The following UMODL1 variants were observed in gnomAD, a reference collection of about 807,000 sequenced individuals.
The protein encoded by UMODL1 is uromodulin like 1.
UMODL1 carries 128 observed loss-of-function variants against 136.3 expected under a neutral mutation model. That is an observed-to-expected ratio of 0.94 (90% CI 0.81 to 1.09). The LOEUF is 1.09. Among genes scored for constraint, UMODL1 ranks in the 50% least tolerant of loss-of-function variants. The pLI is 0.00. For missense variants in UMODL1, 1,766 were observed against 1,725.6 expected (o/e 1.02, Z -0.41); for synonymous variants, 721 against 720.0 (o/e 1.00, Z -0.02).
rs769546147 is a variant in UMODL1 at position 42,127,073 on chromosome 21, G to T, written c.3361G>T (p.Gly1121Ter). ...NFVTEMQLFI[G>*]DSPIPQNYSV... ...TGTTACCGAAATGCAGTTGTTTATC[G>T]GAGACTCTCCCATACCTCAGAATTA... The change falls in exon 19 of 23, where the codon GGA (glycine) becomes TGA (stop). Residue 1121 changes from glycine to a stop codon, truncating the protein, a stop_gained. Transcript: ENST00000408910. LOFTEE classifies it high-confidence loss of function. The T allele has an allele frequency of 6.2e-7, 1 of 1,614,144 alleles. No homozygotes were observed. Among genetic ancestry groups the T allele is most frequent in the East Asian group, 2.2e-5 (1 of 44,876 alleles).
intron 20 of UMODL1, among the ~76,000 whole-genome samples, chr21:42,129,234 C>A (rs1032383449): frequency 2.6e-5 from 4 of 152,116 alleles, no homozygotes; most frequent in African/African-American, 7.2e-5. Context: ...GGACTTCAAT[C>A]CCTTTTTGGA....
At chr21:42,076,902 G>A (rs973234639) in intron 2 of UMODL1, among the ~76,000 whole-genome samples, 2 of 152,110 alleles carry the variant, frequency 1.3e-5, no homozygotes, top group African/African-American at 4.8e-5. Context: ...TTACCAGGGT[G>A]ACCTGTGTGG....
At chr21:42,126,314 G>A in intron 17 of UMODL1, 31 bp from the exon 18 acceptor site, 1 of 1,612,184 alleles carries the variant, frequency 6.2e-7, no homozygotes, top group Non-Finnish European at 8.5e-7. Context: ...GCTGGGGCCT[G>A]GGAGCTCCTC....
intron 2 of UMODL1, among the ~76,000 whole-genome samples, chr21:42,077,479 A>G (rs220289): frequency 0.63 from 95,920 of 151,650 alleles, 31,003 homozygotes; most frequent in Middle Eastern, 0.7. Context: ...TTTTACAGAA[A>G]TAAAGTAGGC....
intron 2 of UMODL1, among the ~76,000 whole-genome samples, chr21:42,077,716 G>C (rs907612572): frequency 2.0e-5 from 3 of 152,204 alleles, no homozygotes; most frequent in African/African-American, 7.2e-5. Flanking sequence ...GGCTGCCAGT[G>C]AAAGAGGCAA....
In UMODL1 at chr21:42,098,910, G is replaced by A; in HGVS notation, c.932-16G>A. 1 of 1,613,226 alleles carries A rather than the reference G, an allele frequency of 6.2e-7. No homozygotes were observed. Among genetic ancestry groups the A allele is most frequent in the Non-Finnish European group, 8.5e-7 (1 of 1,179,296 alleles). The stretch of plus-strand genomic sequence containing the variant: ...CACTGACCCTTTGCTCATCTTCTCT[G>A]TCTGTGCTTTCGTAGATTGTCCTCC... On this transcript the variant is annotated splice_polypyrimidine_tract_variant and intron_variant, in intron 6 of 22. Coordinates refer to ENST00000408910, the MANE Select transcript of UMODL1 (RefSeq NM_001004416.3).
chr21:42,083,019 G>A (rs1243283919), intron 2 of UMODL1, among the ~76,000 whole-genome samples: 1 of 152,204 alleles, frequency 6.6e-6, no homozygotes, highest in East Asian at 1.9e-4. Flanking sequence ...ACCCCACCGG[G>A]TTGGCCTCTT....
At chr21:42,084,020 C>A in intron 2 of UMODL1, 64 bp from the exon 3 acceptor site, 3 of 1,576,162 alleles carry the variant, frequency 1.9e-6, no homozygotes, top group Non-Finnish European at 8.7e-7. Context: ...ACGTGAGGTC[C>A]CCGTGCAGCA....
intron 14 of UMODL1, among the ~76,000 whole-genome samples, 187 bp downstream of exon 14, chr21:42,116,172 CAAAA>C (rs56162491): frequency 1.1e-4 from 8 of 75,082 alleles, no homozygotes; most frequent in African/African-American, 4.1e-4. Context: ...CCATCTCCAC[CAAAA>C]AAAAAAAAAA....
At position 42,128,733 on chromosome 21, in the gene UMODL1, G is replaced by T. The variant is rs183746548; in HGVS notation, c.3690+902G>T. On this transcript the variant is annotated intron_variant, in intron 20 of 22. Coordinates refer to ENST00000408910, the MANE Select transcript of UMODL1 (RefSeq NM_001004416.3). Reference sequence around the variant, plus strand: ...GATGACAGGAGCACGGACAGCCACCGCCAGGCTTCGTCTCTGCAGGGAGCG... The same window carrying T: ...GATGACAGGAGCACGGACAGCCACCTCCAGGCTTCGTCTCTGCAGGGAGCG... Among the ~76,000 whole-genome samples the T allele has an allele frequency of 1.7e-3, 262 of 152,330 alleles. 1 individual carries two copies. The highest frequency in any genetic ancestry group is 6.1e-3 in the African/African-American group (252 of 41,568).
rs2067297803 is a variant in UMODL1 at position 42,142,617 on chromosome 21, A to G, written c.*543A>G. On this transcript the variant is annotated 3_prime_UTR_variant, in exon 23 of 23. Transcript: ENST00000408910. ...CTAATGTTATTTTTAGTGGATGTTT[A>G]TGCTGTTTGACTTTTCTCCTGTGTA... 6.6e-6 allele frequency: 1 copy of G among 152,252 alleles called. No homozygotes were observed. The highest frequency in any genetic ancestry group is 2.4e-5 in the African/African-American group (1 of 41,474). The allele number at this position is 152,252 out of a possible 1,614,324, so 9.4% of individuals were successfully genotyped here.
At chr21:42,127,288 C>A in intron 19 of UMODL1, 46 bp downstream of exon 19, 2 of 1,529,708 alleles carry the variant, frequency 1.3e-6, no homozygotes, top group Non-Finnish European at 1.8e-6. Flanking sequence ...ATGCCTGGGG[C>A]TTTATTAACA....
At chr21:42,128,446 C>T (rs1439415758) in intron 20 of UMODL1, among the ~76,000 whole-genome samples, 7 of 152,218 alleles carry the variant, frequency 4.6e-5, no homozygotes, top group Non-Finnish European at 1.0e-4. Flanking sequence ...GCTTTTTGCT[C>T]AGTGACCGAA....
At position 42,115,786 on chromosome 21, in the gene UMODL1, C is replaced by T. The variant is rs922727758; in HGVS notation, c.2363-87C>T. ...GCTTTGGTGTGATGCTCTTCCTGGA[C>T]ATGAAAATACATTTATTAATATTGA... On this transcript the variant is annotated intron_variant, in intron 13 of 22. Transcript: ENST00000408910. 12 of 1,104,940 alleles carry T rather than the reference C, an allele frequency of 1.1e-5. No homozygotes were observed. The African/African-American group carries it at 1.9e-4, about 17-fold the overall frequency. 68.4% of individuals were successfully genotyped at this position (1,104,940 alleles called of 1,614,324 possible). A position where few individuals can be genotyped will look rare whatever the true frequency, so the allele number is the denominator to read the frequency against.
At chr21:42,117,083 G>GAAAA (rs35005920) in intron 14 of UMODL1, among the ~76,000 whole-genome samples, 4 of 148,770 alleles carry the variant, frequency 2.7e-5, no homozygotes, top group Non-Finnish European at 4.5e-5. Flanking sequence ...CTCAAAAACA[G>GAAAA]AAAAAAAAAA....
chr21:42,136,365 C>A (rs188617047), intron 21 of UMODL1, among the ~76,000 whole-genome samples: 1 of 152,236 alleles, frequency 6.6e-6, no homozygotes, highest in Non-Finnish European at 1.5e-5. Context: ...GAGTCCCTCC[C>A]CATCCACCTT....
chr21:42,105,074 G>A (rs995886715), intron 9 of UMODL1, among the ~76,000 whole-genome samples: 1 of 152,220 alleles, frequency 6.6e-6, no homozygotes, highest in African/African-American at 2.4e-5. Flanking sequence ...CCCACCAGGA[G>A]GTGCCGGGAA....
At position 42,104,088 on chromosome 21, in the gene UMODL1, G is replaced by C; in HGVS notation, c.1519+1G>C. 6.2e-7 allele frequency: 1 copy of C among 1,602,898 alleles called. No homozygotes were observed. The highest frequency in any genetic ancestry group is 2.2e-5 in the East Asian group (1 of 44,598). On this transcript the variant is annotated splice_donor_variant, in intron 9 of 22. Transcript: ENST00000408910. LOFTEE classifies it high-confidence loss of function. ...GACCGGCAGGGGACACGCGTGCAAG[G>C]TATGGCCCAGCCACCCGCCCTGCTG...
Position 42,123,039 on chromosome 21 carries a change from C to T in UMODL1, c.3036C>T (p.Ile1012=), listed in dbSNP as rs773334867. ...IQKRFLQQES[I]PESSLYLSHP... is the part of the protein sequence containing the mutation. Reference sequence around the variant, plus strand: ...AGCGCTTCCTGCAGCAGGAATCCATCCCCGAGTCCTCGTTGTACCTCAGCC... The same window carrying T: ...AGCGCTTCCTGCAGCAGGAATCCATTCCCGAGTCCTCGTTGTACCTCAGCC... The change falls in exon 17 of 23, where the codon ATC becomes ATT. Residue 1012 remains isoleucine (I), a synonymous_variant. Coordinates refer to ENST00000408910, the MANE Select transcript of UMODL1 (RefSeq NM_001004416.3). The surrounding 1 kb of genome is among the most constrained non-coding windows in gnomAD (Gnocchi z 4.4). 4.3e-6 allele frequency: 7 copies of T among 1,614,140 alleles called. No homozygotes were observed. The highest frequency in any genetic ancestry group is 5.9e-6 in the Non-Finnish European group (7 of 1,180,032).
Sources: gnomAD v4.1 joint callset for allele counts (sites outside exome capture counted in the v4.1 genomes callset) on GRCh38, gnomAD v4.1.1 for gene constraint, Gnocchi (gnomAD v3.1) non-coding constraint, MANE v1.5 for transcripts, NCBI Gene and HGNC (gene_info 2026-07-23, HGNC 2026-07-21) for gene names.